The following ATXN7L1 variants were observed in gnomAD, a reference collection of about 807,000 sequenced individuals.
The protein encoded by ATXN7L1 is ataxin 7 like 1.
In ATXN7L1, 15 loss-of-function variants were observed where a neutral mutation model predicts 70.8. The observed-to-expected ratio is 0.21, with a 90% confidence interval of 0.14 to 0.33. The LOEUF (loss-of-function observed/expected upper bound fraction) is 0.33. Among genes scored for constraint, ATXN7L1 ranks in the 10% least tolerant of loss-of-function variants. The pLI, the probability that ATXN7L1 is intolerant of heterozygous loss-of-function variation, is 1.00. For synonymous variants in ATXN7L1, 440 were observed against 445.1 expected, an observed-to-expected ratio of 0.99 and a Z score of 0.14; for missense variants, 975 against 1,097.1, an observed-to-expected ratio of 0.89 and a Z score of 1.57.
At chr7:105,654,685 C>A (rs2115999165) in intron 4 of ATXN7L1, among the ~76,000 whole-genome samples, 1 of 152,226 alleles carries the variant, frequency 6.6e-6, no homozygotes, top group East Asian at 1.9e-4. Context: ...ATGAGCTATG[C>A]AGCTATGAAG....
At position 105,700,319 on chromosome 7, in the gene ATXN7L1, G is replaced by A. The variant is rs537024216; in HGVS notation, c.356-35031C>T. On this transcript the variant is annotated intron_variant, in intron 3 of 11. Transcript: ENST00000419735. ...CCAGGAGTTCGATACCAGCCTGGCC[G>A]ACATGGTGAAACCCCATCTCTACTA... is the stretch of plus-strand genomic sequence containing the variant. Among the ~76,000 whole-genome samples the A allele has an allele frequency of 4.0e-5, 6 of 151,870 alleles. No individual in the cohort carries two copies. In the East Asian group the frequency reaches 9.7e-4, roughly 25 times the overall value.
intron 3 of ATXN7L1, among the ~76,000 whole-genome samples, chr7:105,750,675 C>T (rs979872501): frequency 2.6e-5 from 4 of 152,092 alleles, no homozygotes; most frequent in Non-Finnish European, 4.4e-5. Flanking sequence ...TGGTGGCAGG[C>T]GCCTGTAATC....
intron 3 of ATXN7L1, among the ~76,000 whole-genome samples, chr7:105,711,602 C>A (rs1455781111): frequency 1.3e-5 from 2 of 152,236 alleles, no homozygotes; most frequent in Non-Finnish European, 2.9e-5. Context: ...AAAATAATCC[C>A]CTTTGACTCC....
intron 3 of ATXN7L1, among the ~76,000 whole-genome samples, chr7:105,733,614 CCAT>C (rs1796920556): frequency 1.4e-5 from 2 of 138,760 alleles, no homozygotes; most frequent in South Asian, 2.3e-4. Context: ...ACCCATCCAT[CCAT>C]CCATCCATCC....
At chr7:105,718,452 A>G (rs1794816304) in intron 3 of ATXN7L1, among the ~76,000 whole-genome samples, 1 of 152,234 alleles carries the variant, frequency 6.6e-6, no homozygotes, top group African/African-American at 2.4e-5. Flanking sequence ...GGCGTATTTA[A>G]GGAAGCCACA....
At position 105,773,602 on chromosome 7, in the gene ATXN7L1, A is replaced by C. The variant is rs141386518; in HGVS notation, c.355+15002T>G. On this transcript the variant is annotated intron_variant, in intron 3 of 11. Coordinates refer to ENST00000419735, the MANE Select transcript of ATXN7L1 (RefSeq NM_020725.2). The stretch of plus-strand genomic sequence containing the variant: ...GTGGGAAAGGCTAAACAGGAGACAC[A>C]GGGGGAAGATATAGGCCCAGGTATC... Among the ~76,000 whole-genome samples the C allele has an allele frequency of 4.1e-3, 622 of 152,294 alleles. 4 individuals carry two copies. Among genetic ancestry groups the C allele is most frequent in the African/African-American group, 0.014 (600 of 41,546 alleles).
At chr7:105,714,963 G>A (rs1342577883) in intron 3 of ATXN7L1, among the ~76,000 whole-genome samples, 19 of 152,170 alleles carry the variant, frequency 1.2e-4, no homozygotes, top group Non-Finnish European at 2.6e-4. Context: ...TAAATTGCAT[G>A]GATCCTAAGG....
chr7:105,694,050 C>T (rs1366662143), intron 3 of ATXN7L1, among the ~76,000 whole-genome samples: 1 of 139,386 alleles, frequency 7.2e-6, no homozygotes, highest in Non-Finnish European at 1.6e-5. Context: ...AGAAGTGAGC[C>T]TTTTTTTTTT....
At chr7:105,743,049 T>C (rs943010052) in intron 3 of ATXN7L1, among the ~76,000 whole-genome samples, 1 of 152,136 alleles carries the variant, frequency 6.6e-6, no homozygotes, top group Non-Finnish European at 1.5e-5. Context: ...CTTTTCAAAT[T>C]AGAATTTGAA....
At chr7:105,733,627 C>T (rs1796930065) in intron 3 of ATXN7L1, among the ~76,000 whole-genome samples, 2 of 140,180 alleles carry the variant, frequency 1.4e-5, no homozygotes, top group Non-Finnish European at 3.1e-5. Flanking sequence ...TCCATCCATC[C>T]ATCCACCCAT....
rs1371190677 is a variant in ATXN7L1 at position 105,767,066 on chromosome 7, T to C, written c.355+21538A>G. Among the ~76,000 whole-genome samples, 9 of 152,252 alleles carry C rather than the reference T, an allele frequency of 5.9e-5. No individual in the cohort carries two copies. In the East Asian group the frequency reaches 1.7e-3, roughly 29 times the overall value. On this transcript the variant is annotated intron_variant, in intron 3 of 11. Transcript: ENST00000419735. ...AAGCAAGGGTTCCAGATGACAGGGA[T>C]TTTTCCCGTGTTGAGGCAGACAGAT... is the stretch of plus-strand genomic sequence containing the variant.
intron 3 of ATXN7L1, among the ~76,000 whole-genome samples, chr7:105,693,584 T>TCCATCCATCCATCCA (rs1563011589): frequency 2.5e-5 from 1 of 40,132 alleles, no homozygotes; most frequent in Non-Finnish European, 5.6e-5. Flanking sequence ...TCCATCCATC[T>TCCATCCATCCATCCA]AATTTGAAGA....
Position 105,607,752 on chromosome 7 carries a change from A to G in ATXN7L1, c.*100T>C. The G allele has an allele frequency of 1.9e-6, 2 of 1,069,660 alleles. No homozygotes were observed. Among genetic ancestry groups the G allele is most frequent in the Non-Finnish European group, 2.8e-6 (2 of 722,518 alleles). The allele number at this position is 1,069,660 out of a possible 1,614,324, so 66.3% of individuals were successfully genotyped here. A position where few individuals can be genotyped will look rare whatever the true frequency, so the allele number is the denominator to read the frequency against. On this transcript the variant is annotated 3_prime_UTR_variant, in exon 12 of 12. Coordinates refer to ENST00000419735, the MANE Select transcript of ATXN7L1 (RefSeq NM_020725.2). ...GTCACAGGGAGTGCACAGAAAACAG[A>G]CTCTCCCCCCAGCCCACTCCCCTCC... is the stretch of plus-strand genomic sequence containing the variant.
At chr7:105,876,237 A>G in intron 1 of ATXN7L1, 141 bp downstream of exon 1, 1 of 1,143,838 alleles carries the variant, frequency 8.7e-7, no homozygotes. Context: ...CTCTGTGTGT[A>G]TTTATTTAGA....
At chr7:105,845,072 G>A (rs913020685) in intron 2 of ATXN7L1, among the ~76,000 whole-genome samples, 12 of 151,894 alleles carry the variant, frequency 7.9e-5, no homozygotes, top group Admixed American at 2.6e-4. Flanking sequence ...GGGCATCGTG[G>A]CGGGTGCCTG....
At chr7:105,618,203 A>G (rs1794208532) in intron 9 of ATXN7L1, 1 of 377,840 alleles carries the variant, frequency 2.6e-6, no homozygotes, top group Non-Finnish European at 5.3e-6. Context: ...TCCATAACAC[A>G]GGGAGCAAAG....
intron 3 of ATXN7L1, among the ~76,000 whole-genome samples, chr7:105,768,622 C>A (rs955967232): frequency 6.6e-6 from 1 of 152,188 alleles, no homozygotes. Flanking sequence ...TCTCTTATTA[C>A]CCATTGTAAC....
intron 3 of ATXN7L1, among the ~76,000 whole-genome samples, chr7:105,765,151 T>C (rs963523827): frequency 6.6e-6 from 1 of 151,846 alleles, no homozygotes; most frequent in East Asian, 1.9e-4. Flanking sequence ...CTGGCCAACA[T>C]GGTGAAACCC....
At chr7:105,854,350 CACA>C (rs1815372113) in intron 2 of ATXN7L1, among the ~76,000 whole-genome samples, 1 of 151,740 alleles carries the variant, frequency 6.6e-6, no homozygotes, top group Non-Finnish European at 1.5e-5. Context: ...TCTTGGGACA[CACA>C]ACATCTGTGG....
Sources: gnomAD v4.1 joint callset for allele counts (sites outside exome capture counted in the v4.1 genomes callset) on GRCh38, gnomAD v4.1.1 for gene constraint, MANE v1.5 for transcripts, NCBI Gene and HGNC (gene_info 2026-07-23, HGNC 2026-07-21) for gene names.